Variants in SYT2 observed in about 807,000 individuals in gnomAD.
The protein encoded by SYT2 is synaptotagmin-2.
In SYT2, 15 loss-of-function variants were observed where a neutral mutation model predicts 39.9. The ratio of observed to expected loss-of-function variants is 0.38; its 90% CI spans 0.25 to 0.58. The LOEUF is 0.58. Among genes scored for constraint, SYT2 ranks in the 20% least tolerant of loss-of-function variants. The probability of loss-of-function intolerance (pLI) is 0.70; values close to 1 mark genes in which losing one functional copy is unlikely to be tolerated. For missense variants in SYT2, 389 were observed against 530.3 expected (o/e 0.73, Z 2.62); for synonymous variants, 181 against 204.5 (o/e 0.89, Z 0.98).
At chr1:202,618,404 T>A (rs1463000967) in intron 1 of SYT2, among the ~76,000 whole-genome samples, 3 of 40,762 alleles carry the variant, frequency 7.4e-5, no homozygotes, top group Admixed American at 3.4e-4. Flanking sequence ...GGTGTGAGTG[T>A]GTGTGTGTGT....
intron 1 of SYT2, among the ~76,000 whole-genome samples, chr1:202,641,760 G>A (rs181421753): frequency 7.9e-5 from 12 of 152,322 alleles, no homozygotes; most frequent in Admixed American, 7.2e-4. Context: ...AGAGCAGACC[G>A]CATGACCTTG....
chr1:202,709,524 C>T (rs1420145545), intron 1 of SYT2, among the ~76,000 whole-genome samples: 1 of 152,184 alleles, frequency 6.6e-6, no homozygotes, highest in African/African-American at 2.4e-5. Flanking sequence ...ATGGAAGAGT[C>T]CAGAAAAGGG....
At chr1:202,617,336 C>T (rs1691072979) in intron 1 of SYT2, among the ~76,000 whole-genome samples, 1 of 152,106 alleles carries the variant, frequency 6.6e-6, no homozygotes, top group African/African-American at 2.4e-5. Flanking sequence ...AGTGAGTTCT[C>T]ATGAGACTGG....
Position 202,595,128 on chromosome 1 carries a change from G to A in SYT2, c.*1629C>T, listed in dbSNP as rs1690241419. On this transcript the variant is annotated 3_prime_UTR_variant, in exon 9 of 9. Transcript: ENST00000367268. The stretch of plus-strand genomic sequence containing the variant: ...GAGGGCTTCATGGATGGAAAAGAGA[G>A]GTCAAAGGAAGGCAGGCAAGGAGGG... 1 of 152,332 alleles carries A rather than the reference G, an allele frequency of 6.6e-6. No individual in the cohort carries two copies. Among genetic ancestry groups the A allele is most frequent in the African/African-American group, 2.4e-5 (1 of 41,452 alleles). The allele number at this position is 152,332 out of a possible 1,614,324, so 9.4% of individuals were successfully genotyped here. A position where few individuals can be genotyped will look rare whatever the true frequency, so the allele number is the denominator to read the frequency against.
At chr1:202,603,286 C>T (rs777880251) in intron 3 of SYT2, among the ~76,000 whole-genome samples, 168 bp from the exon 4 acceptor site, 15 of 152,146 alleles carry the variant, frequency 9.9e-5, no homozygotes, top group Non-Finnish European at 2.2e-4. Context: ...CCCTCCTTCA[C>T]GGCCCATCAG....
At chr1:202,666,801 G>C (rs1692488669) in intron 1 of SYT2, among the ~76,000 whole-genome samples, 1 of 152,332 alleles carries the variant, frequency 6.6e-6, no homozygotes, top group African/African-American at 2.4e-5. Flanking sequence ...GGCCAGCATG[G>C]CAAAACCCCG....
At chr1:202,704,506 C>T (rs1654199813) in intron 1 of SYT2, among the ~76,000 whole-genome samples, 1 of 152,206 alleles carries the variant, frequency 6.6e-6, no homozygotes, top group Non-Finnish European at 1.5e-5. Flanking sequence ...GCTACACCTG[C>T]ACGCAAGGGT....
At chr1:202,621,191 C>T (rs778753909) in intron 1 of SYT2, among the ~76,000 whole-genome samples, 11 of 152,196 alleles carry the variant, frequency 7.2e-5, no homozygotes, top group Non-Finnish European at 1.0e-4. Context: ...TTGAACCCCA[C>T]GAAAATCTGC....
intron 1 of SYT2, among the ~76,000 whole-genome samples, chr1:202,704,403 T>C (rs1654197098): frequency 1.3e-5 from 2 of 152,140 alleles, no homozygotes; most frequent in South Asian, 4.1e-4. Flanking sequence ...AGGTGCTTAG[T>C]GCATTGGAGT....
chr1:202,610,845 C>T (rs1450047157), intron 1 of SYT2, among the ~76,000 whole-genome samples: 5 of 151,942 alleles, frequency 3.3e-5, no homozygotes, highest in African/African-American at 4.8e-5. Context: ...AATGGAAGAA[C>T]ATTCCATGCT....
rs566443181 is a variant in SYT2 at position 202,606,180 on chromosome 1, A to G, written c.-17-391T>C. ...ATGCATTATTCATCTAATCCAAAAA[A>G]TAACCTAATGGTTTTTATTGGTTCC... On this transcript the variant is annotated intron_variant, in intron 1 of 8. Coordinates refer to ENST00000367268, the MANE Select transcript of SYT2 (RefSeq NM_177402.5). Among the ~76,000 whole-genome samples, 39 of 152,334 alleles carry G rather than the reference A, an allele frequency of 2.6e-4. No homozygotes were observed. In the South Asian group the frequency reaches 5.6e-3, roughly 22 times the overall value.
In SYT2 at chr1:202,602,025, CAG is replaced by C; in HGVS notation, c.664_665del (p.Leu222GlyfsTer6). 6.2e-7 allele frequency: 1 copy of C among 1,614,154 alleles called. No individual in the cohort carries two copies. The highest frequency in any genetic ancestry group is 1.3e-5 in the African/African-American group (1 of 75,034). On this transcript the variant is annotated frameshift_variant, in exon 6 of 9. Transcript: ENST00000367268. LOFTEE classifies it high-confidence loss of function. ...VPYQELGGKT[L>X]VMAIYDFDRF... ...GGTCAAAGTCATAGATGGCCATCACCAGAGTTTTGCCCCCAAGCTCCTGGTAT... is the reference window on the plus strand; with the variant it reads ...GGTCAAAGTCATAGATGGCCATCACCAGTTTTGCCCCCAAGCTCCTGGTAT...
Position 202,601,742 on chromosome 1 carries a change from C to T in SYT2, c.801+148G>A, listed in dbSNP as rs1233948856. 3 of 825,412 alleles carry T rather than the reference C, an allele frequency of 3.6e-6. No homozygotes were observed. Among genetic ancestry groups the T allele is most frequent in the Non-Finnish European group, 5.8e-6 (3 of 521,294 alleles). The allele number at this position is 825,412 out of a possible 1,614,324, so 51.1% of individuals were successfully genotyped here. On this transcript the variant is annotated intron_variant, in intron 6 of 8. Transcript: ENST00000367268. This position sits in a 1 kb window ranked among gnomAD's most constrained non-coding sequence, Gnocchi z 4.0. ...GTCCAGAGAGTGTAAGCAACTTGCC[C>T]AGGGTCACACAGCCAGGCAGTGTGG... is the stretch of plus-strand genomic sequence containing the variant.
At chr1:202,631,959 C>T (rs544177372) in intron 1 of SYT2, 2 of 895,244 alleles carry the variant, frequency 2.2e-6, no homozygotes, top group African/African-American at 3.6e-5. Flanking sequence ...ATTCGCCAGG[C>T]CCTGCTGGTT....
Position 202,594,726 on chromosome 1 carries a change from A to ACACACACACACACACC in SYT2, c.*2030_*2031insGGTGTGTGTGTGTGTG, listed in dbSNP as rs1342063114. On this transcript the variant is annotated 3_prime_UTR_variant, in exon 9 of 9. Transcript: ENST00000367268. Reference sequence around the variant, plus strand: ...TACACACACACACACACACACACACACCAGTAAAAACATAACTTCCCATGT... The same window carrying ACACACACACACACACC: ...TACACACACACACACACACACACACACACACACACACACACCCCAGTAAAAACATAACTTCCCATGT... The ACACACACACACACACC allele has an allele frequency of 3.3e-5, 5 of 152,064 alleles. No homozygotes were observed. The highest frequency in any genetic ancestry group is 7.3e-5 in the Non-Finnish European group (5 of 68,306). 9.4% of individuals were successfully genotyped at this position (152,064 alleles called of 1,614,324 possible). A position where few individuals can be genotyped will look rare whatever the true frequency, so the allele number is the denominator to read the frequency against.
In SYT2 at chr1:202,692,537, C is replaced by T. The variant is rs568755092; in HGVS notation, c.-18+17721G>A. On this transcript the variant is annotated intron_variant, in intron 1 of 8. Transcript: ENST00000367268. ...ACAGGTTAAACTGGCCCCACTCTAACTCAGGCCTTGCATGTTAAGATTACT... is the reference window on the plus strand; with the variant it reads ...ACAGGTTAAACTGGCCCCACTCTAATTCAGGCCTTGCATGTTAAGATTACT... Among the ~76,000 whole-genome samples the T allele has an allele frequency of 1.2e-3, 185 of 152,354 alleles. 1 individual carries two copies. Among genetic ancestry groups the T allele is most frequent in the African/African-American group, 4.3e-3 (180 of 41,576 alleles).
chr1:202,615,262 G>T (rs1245303629), intron 1 of SYT2, among the ~76,000 whole-genome samples: 3 of 152,196 alleles, frequency 2.0e-5, no homozygotes, highest in South Asian at 2.1e-4. Flanking sequence ...GGGAATAGAA[G>T]ATGCCTGAGG....
chr1:202,610,839 G>A (rs1252894198), intron 1 of SYT2, among the ~76,000 whole-genome samples: 4 of 151,950 alleles, frequency 2.6e-5, no homozygotes, highest in African/African-American at 9.7e-5. Flanking sequence ...CAAACAAATG[G>A]AAGAACATTC....
At chr1:202,607,841 T>C (rs1690758647) in intron 1 of SYT2, among the ~76,000 whole-genome samples, 1 of 151,846 alleles carries the variant, frequency 6.6e-6, no homozygotes, top group East Asian at 1.9e-4. Context: ...GCCATGTCCA[T>C]CTCCCCTCAC....
Sources: allele counts gnomAD v4.1 joint callset (sites outside exome capture counted in the v4.1 genomes callset), GRCh38; gene constraint gnomAD v4.1.1; non-coding constraint Gnocchi (gnomAD v3.1); transcripts MANE v1.5; gene names NCBI Gene and HGNC (gene_info 2026-07-23, HGNC 2026-07-21).